The following FAM171A1 variants were observed in gnomAD, a reference collection of about 807,000 sequenced individuals.
The protein encoded by FAM171A1 is family with sequence similarity 171 member A1.
A neutral mutation model predicts 74.9 loss-of-function variants in FAM171A1; 23 were observed. The ratio of observed to expected loss-of-function variants is 0.31; its 90% CI spans 0.22 to 0.44. FAM171A1 has a LOEUF of 0.44. FAM171A1 is among the 20% of genes least tolerant of loss of function. FAM171A1 has a pLI of 1.00. For synonymous variants in FAM171A1, 527 were observed against 505.7 expected (o/e 1.04, Z -0.57); for missense variants, 1,162 against 1,159.2 (o/e 1.00, Z -0.03).
chr10:15,292,804 A>G (rs1429679541), intron 1 of FAM171A1, among the ~76,000 whole-genome samples: 2 of 152,176 alleles, frequency 1.3e-5, no homozygotes, highest in Non-Finnish European at 2.9e-5. Flanking sequence ...ATTCCCACTT[A>G]AAACAGATAA....
chr10:15,336,360 A>G (rs1365516809), intron 1 of FAM171A1, among the ~76,000 whole-genome samples: 1 of 151,324 alleles, frequency 6.6e-6, no homozygotes, highest in Non-Finnish European at 1.5e-5. Flanking sequence ...TTTATCATAT[A>G]CAATATATTT....
chr10:15,228,827 G>A (rs1260038383), intron 5 of FAM171A1, among the ~76,000 whole-genome samples: 1 of 152,194 alleles, frequency 6.6e-6, no homozygotes, highest in Non-Finnish European at 1.5e-5. Flanking sequence ...ACATGCTGAG[G>A]ATGACACAGA....
chr10:15,212,535 A>G lies in FAM171A1; in HGVS notation c.*380T>C. On this transcript the variant is annotated 3_prime_UTR_variant, in exon 8 of 8. Coordinates refer to ENST00000378116, the MANE Select transcript of FAM171A1 (RefSeq NM_001010924.2). ...GCTTCACAGTAGGATTATTGTGATA[A>G]AAATGACTCAAGCGATGCAAAAAGT... is the stretch of plus-strand genomic sequence containing the variant. The G allele has an allele frequency of 4.2e-6, 1 of 238,178 alleles. No individual in the cohort carries two copies. Among genetic ancestry groups the G allele is most frequent in the South Asian group, 6.5e-5 (1 of 15,380 alleles). 14.8% of individuals were successfully genotyped at this position (238,178 alleles called of 1,614,324 possible).
chr10:15,336,582 A>G (rs1588560458), intron 1 of FAM171A1, among the ~76,000 whole-genome samples: 1 of 152,196 alleles, frequency 6.6e-6, no homozygotes, highest in East Asian at 1.9e-4. Context: ...GATATGTTTT[A>G]TAATCCACAC....
At chr10:15,318,438 T>C (rs909875582) in intron 1 of FAM171A1, among the ~76,000 whole-genome samples, 1 of 152,184 alleles carries the variant, frequency 6.6e-6, no homozygotes, top group Non-Finnish European at 1.5e-5. Flanking sequence ...GGTAAGTCTA[T>C]ACAGAAAAAG....
chr10:15,305,750 G>C (rs149650759), intron 1 of FAM171A1, among the ~76,000 whole-genome samples: 504 of 145,274 alleles, frequency 3.5e-3, no homozygotes, highest in African/African-American at 0.012. Context: ...GAAGATTTTT[G>C]AGCAGGGAAG....
rs554050008 is a variant in FAM171A1, at chr10:15,365,064, C to T, written c.97+5892G>A. ...GGGGGCCATTATTCTACTACCACAA[C>T]GTCTGCATGGCCAGAGAGCACAATT... is the stretch of plus-strand genomic sequence containing the variant. On this transcript the variant is annotated intron_variant, in intron 1 of 7. Transcript: ENST00000378116. Among the ~76,000 whole-genome samples, 4 of 152,304 alleles carry T rather than the reference C, an allele frequency of 2.6e-5. No homozygotes were observed. In the East Asian group the frequency reaches 5.8e-4, roughly 22 times the overall value.
At chr10:15,373,967 T>C (rs893838087), upstream of FAM171A1, among the ~76,000 whole-genome samples, 1 of 152,194 alleles carries the variant, frequency 6.6e-6, no homozygotes, top group East Asian at 1.9e-4. Flanking sequence ...CCTAAAGCCA[T>C]CGTTTTCAGT....
chr10:15,218,282 T>G (rs910021423), intron 6 of FAM171A1, among the ~76,000 whole-genome samples: 1 of 152,004 alleles, frequency 6.6e-6, no homozygotes, highest in Non-Finnish European at 1.5e-5. Flanking sequence ...GGTTTCAACG[T>G]GTTAGCCAGG....
intron 1 of FAM171A1, among the ~76,000 whole-genome samples, chr10:15,305,433 T>G (rs944595322): frequency 1.3e-5 from 2 of 152,048 alleles, no homozygotes; most frequent in Admixed American, 6.5e-5. Context: ...TCCCAGTAAC[T>G]CAGGAGGCTG....
intron 5 of FAM171A1, among the ~76,000 whole-genome samples, chr10:15,224,375 C>G (rs1473563231): frequency 6.6e-6 from 1 of 152,134 alleles, no homozygotes; most frequent in Non-Finnish European, 1.5e-5. Context: ...AGGCATCCTT[C>G]TGGGACGATC....
intron 1 of FAM171A1, among the ~76,000 whole-genome samples, chr10:15,347,783 C>A (rs12784307): frequency 7.3e-6 from 1 of 136,328 alleles, no homozygotes; most frequent in Non-Finnish European, 1.5e-5. Context: ...TGCAGTAAGC[C>A]GAGATCGCAC....
upstream of FAM171A1, among the ~76,000 whole-genome samples, chr10:15,373,407 G>T (rs546968354): frequency 6.6e-6 from 1 of 152,148 alleles, no homozygotes; most frequent in Non-Finnish European, 1.5e-5. Flanking sequence ...ACAAACCGAG[G>T]CTTGGTGCCA....
chr10:15,336,184 C>T (rs1023276473), intron 1 of FAM171A1, among the ~76,000 whole-genome samples: 3 of 152,108 alleles, frequency 2.0e-5, no homozygotes, highest in Admixed American at 6.5e-5. Flanking sequence ...AGTTTAGGGA[C>T]AGAGAAACCT....
chr10:15,309,626 G>A (rs765626139), intron 1 of FAM171A1, among the ~76,000 whole-genome samples: 3 of 152,206 alleles, frequency 2.0e-5, no homozygotes, highest in Admixed American at 6.5e-5. Context: ...AGTCTTGGCC[G>A]ACAATTGCCC....
At chr10:15,311,813 G>T (rs1409805447) in intron 1 of FAM171A1, among the ~76,000 whole-genome samples, 1 of 152,214 alleles carries the variant, frequency 6.6e-6, no homozygotes, top group African/African-American at 2.4e-5. Context: ...TTCTGTGCAT[G>T]TGACAGGGTA....
At chr10:15,268,741 C>A (rs2131789011) in intron 3 of FAM171A1, among the ~76,000 whole-genome samples, 1 of 152,116 alleles carries the variant, frequency 6.6e-6, no homozygotes, top group Non-Finnish European at 1.5e-5. Flanking sequence ...GAAGAAGGGA[C>A]CAAGAGATAG....
At chr10:15,268,614 T>C (rs568179983) in intron 3 of FAM171A1, among the ~76,000 whole-genome samples, 9 of 152,098 alleles carry the variant, frequency 5.9e-5, no homozygotes, top group African/African-American at 2.2e-4. Flanking sequence ...GGGGAGGGTC[T>C]GGGCTGGAGA....
intron 1 of FAM171A1, among the ~76,000 whole-genome samples, chr10:15,294,523 G>A (rs182807834): frequency 4.4e-4 from 67 of 152,242 alleles, no homozygotes; most frequent in African/African-American, 1.5e-3. Flanking sequence ...AGAAACGAGC[G>A]CTCAGGAATT....
Sources: gnomAD v4.1 joint callset for allele counts (sites outside exome capture counted in the v4.1 genomes callset) on GRCh38, gnomAD v4.1.1 for gene constraint, MANE v1.5 for transcripts, NCBI Gene and HGNC (gene_info 2026-07-23, HGNC 2026-07-21) for gene names.